The following GLIS3 variants were observed in gnomAD, a reference collection of about 807,000 sequenced individuals.
The protein encoded by GLIS3 is zinc finger protein GLIS3.
In GLIS3, 53 loss-of-function variants were observed where a neutral mutation model predicts 78.6. That is an observed-to-expected ratio of 0.67 (90% CI 0.54 to 0.85). GLIS3 has a LOEUF of 0.85. GLIS3 is among the 40% of genes least tolerant of loss of function. The pLI is 0.00. For synonymous variants in GLIS3, 684 were observed against 509.9 expected (o/e 1.34, Z -4.60); for missense variants, 1,703 against 1,231.1 (o/e 1.38, Z -5.74).
chr9:4,316,029 G>A (rs1817431992), intron 2 of GLIS3, among the ~76,000 whole-genome samples: 2 of 152,028 alleles, frequency 1.3e-5, no homozygotes, highest in Non-Finnish European at 2.9e-5. Flanking sequence ...TATTTATCTG[G>A]GATGATCACA....
intron 4 of GLIS3, among the ~76,000 whole-genome samples, chr9:4,076,239 G>A (rs999020888): frequency 6.6e-6 from 1 of 152,082 alleles, no homozygotes; most frequent in African/African-American, 2.4e-5. Flanking sequence ...TAATCTCCAT[G>A]TGAAAAAAAT....
chr9:4,190,726 A>G (rs1443116364), intron 2 of GLIS3, among the ~76,000 whole-genome samples: 1 of 152,172 alleles, frequency 6.6e-6, no homozygotes, highest in African/African-American at 2.4e-5. Context: ...AAGACACATA[A>G]TTGTCAGATT....
chr9:3,993,123 CT>C (rs1820463314), intron 4 of GLIS3, among the ~76,000 whole-genome samples: 1 of 152,294 alleles, frequency 6.6e-6, no homozygotes, highest in African/African-American at 2.4e-5. Context: ...CACTCCAGCT[CT>C]CAAGCTTTCA....
chr9:3,851,703 C>G (rs1249686979), intron 9 of GLIS3, among the ~76,000 whole-genome samples: 1 of 152,216 alleles, frequency 6.6e-6, no homozygotes, highest in Non-Finnish European at 1.5e-5. Context: ...TTTGGAAGAC[C>G]AAAGCCCCTC....
At chr9:3,959,180 C>T (rs1370260831) in intron 4 of GLIS3, among the ~76,000 whole-genome samples, 1 of 152,130 alleles carries the variant, frequency 6.6e-6, no homozygotes, top group African/African-American at 2.4e-5. Context: ...ATGGGCAGAG[C>T]CCTCTTGAAT....
the GLIS3 span, among the ~76,000 whole-genome samples, chr9:4,409,428 AT>A: frequency 4.4e-3 from 663 of 152,340 alleles, 4 homozygotes; most frequent in Non-Finnish European, 6.6e-3. Context: ...TATCTAAAAT[AT>A]TCTAACAATG....
At chr9:4,240,119 A>T (rs566736857) in intron 2 of GLIS3, among the ~76,000 whole-genome samples, 2 of 151,316 alleles carry the variant, frequency 1.3e-5, no homozygotes, top group East Asian at 3.9e-4. Context: ...TCACCATCTA[A>T]AGCAGCGGTC....
chr9:3,998,413 T>A (rs960967250), intron 4 of GLIS3, among the ~76,000 whole-genome samples: 1 of 152,140 alleles, frequency 6.6e-6, no homozygotes, highest in Non-Finnish European at 1.5e-5. Context: ...TTCTTACCTT[T>A]ATATTTACAC....
the GLIS3 span, among the ~76,000 whole-genome samples, chr9:4,456,614 T>C: frequency 2.6e-5 from 4 of 152,242 alleles, no homozygotes; most frequent in African/African-American, 9.6e-5. Context: ...TTTCAGCCTC[T>C]CTTGGCTTTC....
intron 2 of GLIS3, among the ~76,000 whole-genome samples, chr9:4,261,256 C>T (rs1044638285): frequency 2.6e-5 from 4 of 152,144 alleles, no homozygotes; most frequent in Admixed American, 6.5e-5. Flanking sequence ...AATAAACGCT[C>T]CCAATTCAAT....
rs555159032 is a variant in GLIS3, at chr9:4,181,861, G to C, written c.389-55920C>G. ...ACCCCGTTCCAATTATCCAAGCTAAGGGCCCAGATAGGTGAAGCTATCCTA... is the reference window on the plus strand; with the variant it reads ...ACCCCGTTCCAATTATCCAAGCTAACGGCCCAGATAGGTGAAGCTATCCTA... On this transcript the variant is annotated intron_variant, in intron 2 of 10. Transcript: ENST00000381971. Among the ~76,000 whole-genome samples, 13 of 152,266 alleles carry C rather than the reference G, an allele frequency of 8.5e-5. No homozygotes were observed. The South Asian group carries it at 2.7e-3, about 32-fold the overall frequency.
upstream of GLIS3, among the ~76,000 whole-genome samples, chr9:4,300,734 T>C (rs1339572216): frequency 6.6e-6 from 1 of 151,876 alleles, no homozygotes; most frequent in African/African-American, 2.4e-5. Context: ...TCGCCACCGC[T>C]TCTGCTTGTG....
chr9:4,311,229 C>T (rs962089906), intron 2 of GLIS3, among the ~76,000 whole-genome samples: 2 of 151,956 alleles, frequency 1.3e-5, no homozygotes, highest in African/African-American at 4.8e-5. Flanking sequence ...GCCAACATGG[C>T]GAAACCCCGT....
intron 4 of GLIS3, among the ~76,000 whole-genome samples, chr9:3,992,784 C>T (rs1048160495): frequency 2.0e-5 from 3 of 152,152 alleles, no homozygotes; most frequent in Non-Finnish European, 4.4e-5. Context: ...TGGTGGAAAA[C>T]AAAAGATCAG....
chr9:4,262,369 G>C (rs1204524619), intron 2 of GLIS3, among the ~76,000 whole-genome samples: 2 of 152,126 alleles, frequency 1.3e-5, no homozygotes, highest in Non-Finnish European at 2.9e-5. Context: ...GAGTGGCATG[G>C]ATTTGGGAAG....
At chr9:3,994,910 C>A (rs1416947859) in intron 4 of GLIS3, among the ~76,000 whole-genome samples, 1 of 152,080 alleles carries the variant, frequency 6.6e-6, no homozygotes, top group Non-Finnish European at 1.5e-5. Flanking sequence ...AGAAAACAAG[C>A]AAGCAAACAA....
At chr9:4,195,409 C>T (rs1054147184) in intron 2 of GLIS3, among the ~76,000 whole-genome samples, 1 of 152,204 alleles carries the variant, frequency 6.6e-6, no homozygotes, top group African/African-American at 2.4e-5. Flanking sequence ...GCCGGTGCCA[C>T]CGGCCCCAGA....
chr9:4,044,016 G>T (rs115396881), intron 4 of GLIS3, among the ~76,000 whole-genome samples: 2 of 152,176 alleles, frequency 1.3e-5, no homozygotes, highest in Non-Finnish European at 2.9e-5. Context: ...AAGAGCACAG[G>T]TAAGGGCCAA....
intron 2 of GLIS3, among the ~76,000 whole-genome samples, chr9:4,332,189 GAAAA>G (rs1817696999): frequency 6.6e-6 from 1 of 152,140 alleles, no homozygotes; most frequent in Non-Finnish European, 1.5e-5. Context: ...CAAAATAGAA[GAAAA>G]TACCCCAATC....
Sources: allele counts gnomAD v4.1 joint callset (sites outside exome capture counted in the v4.1 genomes callset), GRCh38; gene constraint gnomAD v4.1.1; transcripts MANE v1.5; gene names NCBI Gene and HGNC (gene_info 2026-07-23, HGNC 2026-07-21).